Variants in ADGRG3 observed in about 807,000 individuals in gnomAD.
ADGRG3 encodes the protein G protein-coupled receptor 97.
ADGRG3 carries 39 observed loss-of-function variants against 54.3 expected under a neutral mutation model. That is an observed-to-expected ratio of 0.72 (90% CI 0.56 to 0.94). ADGRG3 has a LOEUF of 0.94. Among genes scored for constraint, ADGRG3 ranks in the 40% least tolerant of loss-of-function variants. The pLI, the probability that ADGRG3 is intolerant of heterozygous loss-of-function variation, is 0.00. For synonymous variants in ADGRG3, 312 were observed against 290.0 expected (o/e 1.08, Z -0.77); for missense variants, 654 against 694.6 (o/e 0.94, Z 0.66).
chr16:57,683,813 G>A (rs1373542398), intron 8 of ADGRG3, 119 bp from the exon 9 acceptor site: 2 of 701,556 alleles, frequency 2.9e-6, no homozygotes, highest in Non-Finnish European at 4.4e-6. Context: ...GGATGAGCAG[G>A]CAGGAGCTGG....
At chr16:57,669,376 C>T (rs543748999) in intron 1 of ADGRG3, among the ~76,000 whole-genome samples, 1 of 152,300 alleles carries the variant, frequency 6.6e-6, no homozygotes, top group African/African-American at 2.4e-5. Flanking sequence ...GAGATGACAG[C>T]ACTGTCCTCC....
At chr16:57,669,681 A>G (rs2048118146) in intron 1 of ADGRG3, among the ~76,000 whole-genome samples, 1 of 151,988 alleles carries the variant, frequency 6.6e-6, no homozygotes, top group African/African-American at 2.4e-5. Flanking sequence ...GTTAGTCTCC[A>G]TTCTCCATTT....
At chr16:57,681,032 C>A (rs775621642) in intron 8 of ADGRG3, 1 of 189,974 alleles carries the variant, frequency 5.3e-6, no homozygotes, top group Non-Finnish European at 1.1e-5. Flanking sequence ...CCCTCAGGGG[C>A]CCTGGCTGCC....
rs1164017252 is a variant in ADGRG3 at position 57,685,701 on chromosome 16, T to G, written c.1315T>G (p.Phe439Val). 6.2e-7 allele frequency: 1 copy of G among 1,614,074 alleles called. No homozygotes were observed. Among genetic ancestry groups the G allele is most frequent in the African/African-American group, 1.3e-5 (1 of 74,918 alleles). Reference protein sequence around the residue: ...YALYITVHGYFLITFLFGMVV... With the variant: ...YALYITVHGYVLITFLFGMVV... ...CCTCTATATCACCGTCCACGGCTAC[T>G]TCCTCATCACCTTCCTCTTTGGCAT... The change falls in exon 11 of 12, where the codon TTC becomes GTC. Residue 439 changes from phenylalanine (F) to valine (V), a missense_variant. By Grantham distance (50) the Phe-to-Val change is conservative (BLOSUM62 -1). Coordinates refer to ENST00000333493, the MANE Select transcript of ADGRG3 (RefSeq NM_170776.5).
At chr16:57,686,830 T>C (rs748911008) in intron 11 of ADGRG3, 1 of 152,226 alleles carries the variant, frequency 6.6e-6, no homozygotes, top group Non-Finnish European at 1.5e-5. Flanking sequence ...TCTATGGAGG[T>C]AGGAAGGAAA....
At chr16:57,672,326 G>C (rs183089151) in intron 1 of ADGRG3, among the ~76,000 whole-genome samples, 1 of 152,256 alleles carries the variant, frequency 6.6e-6, no homozygotes, top group African/African-American at 2.4e-5. Flanking sequence ...AGGAGTTCGA[G>C]ACCAGCCTGG....
chr16:57,683,961 A>G lies in ADGRG3; in HGVS notation c.911A>G (p.Asp304Gly), dbSNP rs1240372336. 2 of 1,577,440 alleles carry G rather than the reference A, an allele frequency of 1.3e-6. No homozygotes were observed. The highest frequency in any genetic ancestry group is 3.5e-5 in the Admixed American group (2 of 56,796). ...RLSRERFKSE[D>G]APKIHVALGG... ...TCCCGGGAGAGGTTCAAGTCAGAAG[A>G]TGCCCCAAAGATCCACGTGGCCCTG... is the stretch of plus-strand genomic sequence containing the variant. The change falls in exon 9 of 12, where the codon GAT becomes GGT. Residue 304 changes from aspartate to glycine, a missense_variant. By Grantham distance (94) the Asp-to-Gly change is moderately conservative. Coordinates refer to ENST00000333493, the MANE Select transcript of ADGRG3 (RefSeq NM_170776.5).
chr16:57,666,276 A>T (rs79910234), upstream of ADGRG3, among the ~76,000 whole-genome samples: 6,246 of 152,142 alleles, frequency 0.041, 149 homozygotes, highest in South Asian at 0.073. Flanking sequence ...TGCTTCTCAA[A>T]CATTTTGTTT....
chr16:57,669,427 G>A (rs578084996), intron 1 of ADGRG3, among the ~76,000 whole-genome samples: 1 of 152,300 alleles, frequency 6.6e-6, no homozygotes, highest in Admixed American at 6.5e-5. Flanking sequence ...AGGCCACCAG[G>A]CAGCCCTTGA....
At chr16:57,686,048 T>C in intron 11 of ADGRG3, 122 bp downstream of exon 11, 1 of 1,018,194 alleles carries the variant, frequency 9.8e-7, no homozygotes, top group Non-Finnish European at 1.5e-6. Flanking sequence ...AAGTCAAGGA[T>C]GTTGATTTCA....
intron 8 of ADGRG3, among the ~76,000 whole-genome samples, chr16:57,683,165 C>T (rs576064359): frequency 2.6e-5 from 4 of 152,294 alleles, no homozygotes; most frequent in South Asian, 2.1e-4. Context: ...CTGACCTCTG[C>T]GAAATGAGAT....
upstream of ADGRG3, among the ~76,000 whole-genome samples, chr16:57,666,732 G>A (rs1291393289): frequency 1.3e-5 from 2 of 152,292 alleles, no homozygotes; most frequent in South Asian, 2.1e-4. Context: ...TTAGGAAAAG[G>A]TGGCCCTCCT....
rs1354312025 is a variant in ADGRG3, at chr16:57,679,300, C to T, written c.616C>T (p.Arg206Ter). Residue 206 changes from arginine (R) to a stop codon, truncating the protein, a stop_gained, in exon 5 of 12, where the codon CGA becomes TGA. Coordinates refer to ENST00000333493, the MANE Select transcript of ADGRG3 (RefSeq NM_170776.5). LOFTEE classifies it high-confidence loss of function. ...TCTGGAGATCGTCTTCTCTCACCAG[C>T]GACCGCCCCCTGTGAGTCCCCTGCT... ...EPLEIVFSHQ[R>*]PPPNMTLTCV... The T allele has an allele frequency of 1.9e-6, 3 of 1,613,848 alleles. No individual in the cohort carries two copies. The highest frequency in any genetic ancestry group is 1.7e-5 in the Admixed American group (1 of 60,020).
chr16:57,687,749 CT>C (rs1891484352), intron 11 of ADGRG3, among the ~76,000 whole-genome samples: 1 of 152,236 alleles, frequency 6.6e-6, no homozygotes, highest in African/African-American at 2.4e-5. Flanking sequence ...GAAACTATAG[CT>C]GACATCGTTA....
intron 1 of ADGRG3, 148 bp downstream of exon 1, chr16:57,668,553 C>A: frequency 1.4e-6 from 1 of 697,736 alleles, no homozygotes; most frequent in Admixed American, 2.2e-5. Flanking sequence ...GTGGCCGCCT[C>A]AGCACCTTCT....
intron 2 of ADGRG3, among the ~76,000 whole-genome samples, chr16:57,675,846 C>T (rs2048252760): frequency 6.6e-6 from 1 of 152,020 alleles, no homozygotes; most frequent in Admixed American, 6.6e-5. Flanking sequence ...TACGGGTTTC[C>T]TTTGGGGTGA....
intron 4 of ADGRG3, 27 bp from the exon 5 acceptor site, chr16:57,679,150 T>A: frequency 1.9e-6 from 3 of 1,612,686 alleles, no homozygotes; most frequent in African/African-American, 2.7e-5. Flanking sequence ...TTCTGCAGCC[T>A]GGCCTCCCCG....
intron 11 of ADGRG3, among the ~76,000 whole-genome samples, chr16:57,686,281 C>T (rs1339483286): frequency 2.0e-5 from 3 of 152,130 alleles, no homozygotes; most frequent in Non-Finnish European, 2.9e-5. Flanking sequence ...GGGGAGCCAG[C>T]GTATCACATG....
At chr16:57,673,184 G>T in intron 1 of ADGRG3, 137 bp from the exon 2 acceptor site, 3 of 772,354 alleles carry the variant, frequency 3.9e-6, no homozygotes, top group Non-Finnish European at 6.4e-6. Flanking sequence ...CTGCTCAAGT[G>T]CACCGTTAGT....
Sources: gnomAD v4.1 joint callset for allele counts (sites outside exome capture counted in the v4.1 genomes callset) on GRCh38, gnomAD v4.1.1 for gene constraint, MANE v1.5 for transcripts, NCBI Gene and HGNC (gene_info 2026-07-23, HGNC 2026-07-21) for gene names.